Variants in RGS7 observed in about 807,000 individuals in gnomAD.
RGS7 encodes the protein regulator of G-protein signaling 7.
RGS7 carries 27 observed loss-of-function variants against 81.1 expected under a neutral mutation model. The observed-to-expected ratio is 0.33, with a 90% CI of 0.25 to 0.46. RGS7 has a LOEUF of 0.46. Among genes scored for constraint, RGS7 ranks in the 20% least tolerant of loss-of-function variants. The pLI is 1.00. For synonymous variants in RGS7, 208 were observed against 207.7 expected, an observed-to-expected ratio of 1.00 and a Z score of -0.01; for missense variants, 396 against 607.4, an observed-to-expected ratio of 0.65 and a Z score of 3.66.
At chr1:240,982,003 G>A (rs148063387) in intron 4 of RGS7, among the ~76,000 whole-genome samples, 1 of 152,156 alleles carries the variant, frequency 6.6e-6, no homozygotes, top group Non-Finnish European at 1.5e-5. Context: ...TCACTGTAAT[G>A]CCAGCTTTTC....
chr1:241,004,768 T>C (rs956313710), intron 3 of RGS7, among the ~76,000 whole-genome samples: 2 of 152,156 alleles, frequency 1.3e-5, no homozygotes, highest in African/African-American at 4.8e-5. Context: ...GGCAGAGCTC[T>C]CTCTGGACTG....
chr1:240,904,588 T>A (rs1670528411), intron 6 of RGS7, among the ~76,000 whole-genome samples: 1 of 152,204 alleles, frequency 6.6e-6, no homozygotes, highest in Non-Finnish European at 1.5e-5. Flanking sequence ...TCAACAGAAA[T>A]CTAAATTTTA....
chr1:241,036,439 C>T (rs1328692831), intron 3 of RGS7, among the ~76,000 whole-genome samples: 3 of 152,194 alleles, frequency 2.0e-5, no homozygotes, highest in South Asian at 2.1e-4. Context: ...GGAAATATTT[C>T]GGCTGCAGTT....
chr1:240,866,428 C>A lies in RGS7; in HGVS notation c.609+2159G>T, dbSNP rs418213. ...CAGGAGGCTGAGGCAGGAGAATGGC[C>A]TGAACCCGGGAGGCGGAGCTTGCAG... On this transcript the variant is annotated intron_variant, in intron 9 of 18. Coordinates refer to ENST00000440928, the MANE Select transcript of RGS7 (RefSeq NM_001364886.1). 2.6e-5 allele frequency among the ~76,000 whole-genome samples: 4 copies of A among 151,646 alleles called. No homozygotes were observed. In the East Asian group the frequency reaches 5.9e-4, roughly 22 times the overall value.
intron 3 of RGS7, among the ~76,000 whole-genome samples, chr1:241,020,342 T>A (rs1470988193): frequency 6.6e-6 from 1 of 152,168 alleles, no homozygotes; most frequent in Non-Finnish European, 1.5e-5. Context: ...AAAATCAAGA[T>A]GTTGACAGGG....
At chr1:241,292,686 G>A (rs1190983038) in intron 2 of RGS7, among the ~76,000 whole-genome samples, 1 of 152,094 alleles carries the variant, frequency 6.6e-6, no homozygotes, top group Non-Finnish European at 1.5e-5. Context: ...GTAGATCTGT[G>A]CACAAGCCAT....
chr1:241,235,564 TTTTTC>T (rs1262298799), intron 2 of RGS7, among the ~76,000 whole-genome samples: 4 of 152,122 alleles, frequency 2.6e-5, no homozygotes, highest in Non-Finnish European at 4.4e-5. Context: ...AGAATGCTTC[TTTTTC>T]TTTTCTTTTC....
intron 2 of RGS7, among the ~76,000 whole-genome samples, chr1:241,328,118 G>C (rs2081729868): frequency 6.6e-6 from 1 of 152,076 alleles, no homozygotes; most frequent in Admixed American, 6.6e-5. Flanking sequence ...TTGGAATGTA[G>C]ATTTTGCTAG....
At chr1:240,969,726 C>T (rs1247136417) in intron 4 of RGS7, among the ~76,000 whole-genome samples, 4 of 152,200 alleles carry the variant, frequency 2.6e-5, no homozygotes, top group African/African-American at 7.2e-5. Context: ...TTAGGACAGA[C>T]AGATCACCTG....
At chr1:241,167,908 G>A (rs529354725) in intron 2 of RGS7, among the ~76,000 whole-genome samples, 1 of 152,142 alleles carries the variant, frequency 6.6e-6, no homozygotes, top group Non-Finnish European at 1.5e-5. Flanking sequence ...TACTCCTGGG[G>A]TGGTGTGGTC....
chr1:241,188,542 C>T (rs1442155413), intron 2 of RGS7, among the ~76,000 whole-genome samples: 1 of 151,826 alleles, frequency 6.6e-6, no homozygotes, highest in Non-Finnish European at 1.5e-5. Flanking sequence ...TCTTTTAATC[C>T]ATGGACATTT....
intron 2 of RGS7, among the ~76,000 whole-genome samples, chr1:241,122,555 G>C (rs2066359225): frequency 6.6e-6 from 1 of 151,770 alleles, no homozygotes; most frequent in South Asian, 2.1e-4. Context: ...CTAGCTACTT[G>C]GGAGGCTGAC....
chr1:240,791,637 G>A (rs1686025306), intron 18 of RGS7, among the ~76,000 whole-genome samples: 1 of 152,172 alleles, frequency 6.6e-6, no homozygotes, highest in African/African-American at 2.4e-5. Context: ...GAAGCTACAT[G>A]TGTCTTTAGA....
intron 9 of RGS7, among the ~76,000 whole-genome samples, chr1:240,854,342 C>A (rs963747169): frequency 2.0e-5 from 3 of 152,158 alleles, no homozygotes; most frequent in African/African-American, 7.2e-5. Flanking sequence ...TAATGTCATA[C>A]AAATCTGTAA....
intron 2 of RGS7, chr1:241,132,433 C>T (rs1464713099): frequency 6.5e-6 from 1 of 153,864 alleles, no homozygotes; most frequent in African/African-American, 2.4e-5. Flanking sequence ...GACAGGACCC[C>T]TGTCCCCATG....
At chr1:241,135,787 T>A (rs185314313) in intron 2 of RGS7, among the ~76,000 whole-genome samples, 44 of 152,146 alleles carry the variant, frequency 2.9e-4, no homozygotes, top group African/African-American at 1.0e-3. Context: ...GGCCTTTTTT[T>A]ATTATTTTTT....
intron 3 of RGS7, among the ~76,000 whole-genome samples, chr1:240,983,922 G>A (rs1174844975): frequency 6.6e-6 from 1 of 152,202 alleles, no homozygotes; most frequent in African/African-American, 2.4e-5. Flanking sequence ...ACTTCACACA[G>A]AAGAGACAAG....
chr1:241,298,679 A>G (rs904235095), intron 2 of RGS7, among the ~76,000 whole-genome samples: 13 of 152,330 alleles, frequency 8.5e-5, no homozygotes, highest in African/African-American at 2.9e-4. Flanking sequence ...AGTAGACCAG[A>G]GAAGCATCTC....
At position 241,002,217 on chromosome 1, in the gene RGS7, C is replaced by T. The variant is rs942631291; in HGVS notation, c.176-19088G>A. Among the ~76,000 whole-genome samples the T allele has an allele frequency of 1.3e-4, 19 of 151,976 alleles. No individual in the cohort carries two copies. In the East Asian group the frequency reaches 2.9e-3, roughly 23 times the overall value. The stretch of plus-strand genomic sequence containing the variant: ...ATCCCAGCACTTTGGGAGGCCGAGG[C>T]GGGTGGATCACCTGAGGTCAGGAGT... On this transcript the variant is annotated intron_variant, in intron 3 of 18. Coordinates refer to ENST00000440928, the MANE Select transcript of RGS7 (RefSeq NM_001364886.1).
Sources: allele counts gnomAD v4.1 joint callset (sites outside exome capture counted in the v4.1 genomes callset), GRCh38; gene constraint gnomAD v4.1.1; transcripts MANE v1.5; gene names NCBI Gene and HGNC (gene_info 2026-07-23, HGNC 2026-07-21).